CSMD1: variants seen among roughly 807,000 people sequenced by gnomAD.
The protein encoded by CSMD1 is CUB and Sushi multiple domains 1.
In CSMD1, 213 loss-of-function variants were observed where a neutral mutation model predicts 417.5. The observed-to-expected ratio is 0.51, with a 90% CI of 0.46 to 0.57. The LOEUF is 0.57. Among genes scored for constraint, CSMD1 ranks in the 20% least tolerant of loss-of-function variants. The pLI is 0.00. For missense variants in CSMD1, 6,923 were observed against 4,529.7 expected (o/e 1.53, Z -15.17); for synonymous variants, 2,862 against 1,736.8 (o/e 1.65, Z -16.11).
chr8:4,189,274 C>A (rs1357761237), intron 3 of CSMD1, among the ~76,000 whole-genome samples: 1 of 152,132 alleles, frequency 6.6e-6, no homozygotes, highest in African/African-American at 2.4e-5. Context: ...AGAAACACTT[C>A]CTATCTCTTT....
At chr8:3,313,515 T>C (rs1413312074) in intron 23 of CSMD1, among the ~76,000 whole-genome samples, 3 of 152,194 alleles carry the variant, frequency 2.0e-5, no homozygotes, top group East Asian at 3.9e-4. Context: ...GAAAAAATGC[T>C]CATCATCACT....
chr8:4,841,911 C>CA (rs397757527), intron 1 of CSMD1, among the ~76,000 whole-genome samples: 24,335 of 34,648 alleles, frequency 0.7, 9,477 homozygotes, highest in Middle Eastern at 0.81. Flanking sequence ...AACTCCGTCT[C>CA]AAAAAAAAAA....
chr8:3,680,486 G>T (rs1799594924), intron 7 of CSMD1, among the ~76,000 whole-genome samples: 1 of 152,142 alleles, frequency 6.6e-6, no homozygotes, highest in Non-Finnish European at 1.5e-5. Flanking sequence ...GACTAAACCA[G>T]GAAGAAGTTG....
chr8:3,435,719 C>T (rs894608635), intron 12 of CSMD1, among the ~76,000 whole-genome samples: 2 of 152,008 alleles, frequency 1.3e-5, no homozygotes, highest in African/African-American at 2.4e-5. Flanking sequence ...CCCATCCCAA[C>T]ACCCTACACG....
intron 1 of CSMD1, among the ~76,000 whole-genome samples, chr8:4,783,668 G>C (rs557086270): frequency 6.6e-6 from 1 of 152,280 alleles, no homozygotes; most frequent in African/African-American, 2.4e-5. Context: ...ACAGGCTGAA[G>C]CCAGCCCGAA....
At chr8:3,357,992 T>C (rs550513509) in intron 21 of CSMD1, among the ~76,000 whole-genome samples, 1 of 152,206 alleles carries the variant, frequency 6.6e-6, no homozygotes, top group Non-Finnish European at 1.5e-5. Flanking sequence ...TCCAGAAATA[T>C]AGCTTTATCA....
intron 3 of CSMD1, among the ~76,000 whole-genome samples, chr8:4,114,128 A>T (rs926107571): frequency 1.3e-5 from 2 of 152,218 alleles, no homozygotes; most frequent in Non-Finnish European, 1.5e-5. Flanking sequence ...CATAGGAGGA[A>T]AGAGGGTAAG....
intron 12 of CSMD1, among the ~76,000 whole-genome samples, chr8:3,457,566 C>T (rs57239113): frequency 0.057 from 8,605 of 152,178 alleles, 305 homozygotes; most frequent in East Asian, 0.17. Context: ...GATATGTACG[C>T]GGTTTAAAAA....
intron 3 of CSMD1, among the ~76,000 whole-genome samples, chr8:4,124,861 C>G (rs750682925): frequency 1.1e-4 from 16 of 152,114 alleles, no homozygotes; most frequent in Non-Finnish European, 1.9e-4. Context: ...TAAACTAACT[C>G]TATAGGACAG....
At chr8:4,332,670 G>C (rs1799940192) in intron 3 of CSMD1, among the ~76,000 whole-genome samples, 1 of 151,180 alleles carries the variant, frequency 6.6e-6, no homozygotes, top group Admixed American at 6.6e-5. Flanking sequence ...CGTTTTGCTA[G>C]CTGGCACCCC....
intron 2 of CSMD1, among the ~76,000 whole-genome samples, chr8:4,423,771 G>C (rs1007152676): frequency 1.3e-5 from 2 of 151,948 alleles, no homozygotes; most frequent in African/African-American, 4.8e-5. Context: ...TTTTGCGAGA[G>C]AAGAATAAAG....
intron 26 of CSMD1, among the ~76,000 whole-genome samples, chr8:3,251,317 G>C (rs1360875097): frequency 6.6e-6 from 1 of 152,260 alleles, no homozygotes. Context: ...TTATTAAATA[G>C]GGAATCCTTT....
chr8:4,201,174 A>T (rs1302513088), intron 3 of CSMD1, among the ~76,000 whole-genome samples: 1 of 152,198 alleles, frequency 6.6e-6, no homozygotes, highest in Admixed American at 6.5e-5. Context: ...AGGATTAAGT[A>T]CTGTTGTGTA....
intron 3 of CSMD1, among the ~76,000 whole-genome samples, chr8:4,066,057 G>C (rs1585238846): frequency 1.3e-5 from 2 of 152,196 alleles, no homozygotes; most frequent in East Asian, 3.9e-4. Flanking sequence ...GAATGGGAAA[G>C]CCTGGAATAG....
chr8:4,018,768 ACT>A (rs1351430215), intron 4 of CSMD1, among the ~76,000 whole-genome samples: 14 of 152,148 alleles, frequency 9.2e-5, no homozygotes, highest in Admixed American at 9.2e-4. Context: ...CGTGGCACAG[ACT>A]CTGTAGCCAA....
chr8:3,295,990 G>C (rs1282081763), intron 25 of CSMD1, among the ~76,000 whole-genome samples: 1 of 152,064 alleles, frequency 6.6e-6, no homozygotes, highest in African/African-American at 2.4e-5. Flanking sequence ...ACAGGGAAGA[G>C]ATAGGCAAAC....
intron 1 of CSMD1, among the ~76,000 whole-genome samples, chr8:4,865,060 A>T (rs916049227): frequency 1.3e-5 from 2 of 151,582 alleles, no homozygotes; most frequent in Admixed American, 1.3e-4. Flanking sequence ...TTTTATTTCA[A>T]TAGGTTTTGG....
chr8:3,071,399 A>T (rs149246459), intron 49 of CSMD1, among the ~76,000 whole-genome samples: 1 of 152,172 alleles, frequency 6.6e-6, no homozygotes, highest in Non-Finnish European at 1.5e-5. Context: ...ATACCTAATG[A>T]ATGCAGGGCT....
At chr8:3,764,286 T>C (rs1798154921) in intron 5 of CSMD1, among the ~76,000 whole-genome samples, 2 of 152,212 alleles carry the variant, frequency 1.3e-5, no homozygotes, top group Admixed American at 1.3e-4. Flanking sequence ...GTCCAAACCC[T>C]GGTGTCTCTC....
Sources: allele counts gnomAD v4.1 joint callset (sites outside exome capture counted in the v4.1 genomes callset), GRCh38; gene constraint gnomAD v4.1.1; transcripts MANE v1.5; gene names NCBI Gene and HGNC (gene_info 2026-07-23, HGNC 2026-07-21).